Variants in NALF1 observed in about 807,000 individuals in gnomAD.
The protein encoded by NALF1 is family with sequence similarity 155 member A.
NALF1 carries 3 observed loss-of-function variants against 48.4 expected under a neutral mutation model. That is an observed-to-expected ratio of 0.06 (90% CI 0.03 to 0.16). The LOEUF (loss-of-function observed/expected upper bound fraction) is 0.16. Among genes scored for constraint, NALF1 ranks in the 10% least tolerant of loss-of-function variants. NALF1 has a pLI of 1.00. For synonymous variants in NALF1, 262 were observed against 245.7 expected (o/e 1.07, Z -0.62); for missense variants, 526 against 571.5 (o/e 0.92, Z 0.81).
chr13:107,559,133 C>T (rs1267663745), intron 1 of NALF1, among the ~76,000 whole-genome samples: 1 of 152,182 alleles, frequency 6.6e-6, no homozygotes, highest in African/African-American at 2.4e-5. Context: ...AGCTCTAATA[C>T]ACACCCCATG....
chr13:107,253,284 A>G (rs74114012), intron 1 of NALF1, among the ~76,000 whole-genome samples: 17,091 of 151,926 alleles, frequency 0.11, 1,123 homozygotes, highest in African/African-American at 0.17. Flanking sequence ...TGGAGCCCCA[A>G]AGTATGTCTA....
intron 1 of NALF1, among the ~76,000 whole-genome samples, chr13:107,747,465 G>A (rs531962769): frequency 3.9e-5 from 6 of 151,998 alleles, no homozygotes; most frequent in African/African-American, 1.2e-4. Flanking sequence ...ATGCATGTTG[G>A]TCTTACCTCC....
chr13:107,222,267 A>G (rs977036092), intron 1 of NALF1, among the ~76,000 whole-genome samples: 1 of 152,240 alleles, frequency 6.6e-6, no homozygotes, highest in Non-Finnish European at 1.5e-5. Context: ...ACTATTCCCC[A>G]TAGAAACAAC....
chr13:107,719,325 C>A (rs200878429), intron 1 of NALF1, among the ~76,000 whole-genome samples: 1 of 152,154 alleles, frequency 6.6e-6, no homozygotes, highest in East Asian at 1.9e-4. Flanking sequence ...GCTGTCTCAA[C>A]AAGGCCTTTC....
chr13:107,260,807 G>C (rs774104374), intron 1 of NALF1, among the ~76,000 whole-genome samples: 1 of 152,114 alleles, frequency 6.6e-6, no homozygotes, highest in African/African-American at 2.4e-5. Flanking sequence ...TTTCTTCCAG[G>C]GTTCTAATTT....
At chr13:107,781,039 G>C (rs1273004896) in intron 1 of NALF1, among the ~76,000 whole-genome samples, 1 of 152,116 alleles carries the variant, frequency 6.6e-6, no homozygotes, top group African/African-American at 2.4e-5. Context: ...CTGGAACATA[G>C]GAGAAATGTC....
At chr13:107,623,506 A>C (rs927048902) in intron 1 of NALF1, among the ~76,000 whole-genome samples, 1 of 152,158 alleles carries the variant, frequency 6.6e-6, no homozygotes, top group Non-Finnish European at 1.5e-5. Context: ...GAAAATGTTT[A>C]GGATGCCTAA....
intron 1 of NALF1, among the ~76,000 whole-genome samples, chr13:107,742,726 G>C (rs1876674655): frequency 6.6e-6 from 1 of 152,166 alleles, no homozygotes; most frequent in South Asian, 2.1e-4. Context: ...TTCAATGATT[G>C]CAGATCTTTT....
chr13:107,554,332 G>T (rs1246313669), intron 1 of NALF1, among the ~76,000 whole-genome samples: 1 of 152,188 alleles, frequency 6.6e-6, no homozygotes, highest in East Asian at 1.9e-4. Flanking sequence ...AAGTCCGGGG[G>T]GAAAAAGCTA....
intron 1 of NALF1, among the ~76,000 whole-genome samples, chr13:107,813,995 T>A (rs1265648430): frequency 6.6e-6 from 1 of 152,052 alleles, no homozygotes; most frequent in East Asian, 1.9e-4. Flanking sequence ...CATGAGAAGA[T>A]AATAGGGGGA....
chr13:107,496,029 T>G (rs1052408894), intron 1 of NALF1, among the ~76,000 whole-genome samples: 1 of 152,112 alleles, frequency 6.6e-6, no homozygotes, highest in Non-Finnish European at 1.5e-5. Flanking sequence ...CATCACTGTT[T>G]TAGAATGGAA....
intron 1 of NALF1, among the ~76,000 whole-genome samples, chr13:107,783,871 A>AT (rs1307484707): frequency 2.5e-5 from 3 of 120,020 alleles, no homozygotes; most frequent in Non-Finnish European, 3.5e-5. Context: ...AAAAATAAAA[A>AT]TTAAAAAAAA....
intron 1 of NALF1, among the ~76,000 whole-genome samples, chr13:107,812,564 G>T (rs1022320081): frequency 6.6e-6 from 1 of 152,032 alleles, no homozygotes; most frequent in Non-Finnish European, 1.5e-5. Context: ...AAACTTCTCT[G>T]TATTGATGTA....
At chr13:107,267,658 AC>A (rs1881069635) in intron 1 of NALF1, among the ~76,000 whole-genome samples, 1 of 152,204 alleles carries the variant, frequency 6.6e-6, no homozygotes, top group Non-Finnish European at 1.5e-5. Context: ...GTACACACAT[AC>A]CTACGAAGAA....
intron 1 of NALF1, among the ~76,000 whole-genome samples, chr13:107,380,704 A>C (rs1180722389): frequency 2.6e-5 from 4 of 152,084 alleles, no homozygotes; most frequent in East Asian, 3.9e-4. Context: ...GTGGGCCGGG[A>C]GCGGTGGTTC....
chr13:107,398,667 CTT>C (rs1566325544), intron 1 of NALF1, among the ~76,000 whole-genome samples: 1 of 152,016 alleles, frequency 6.6e-6, no homozygotes, highest in East Asian at 1.9e-4. Context: ...GAGTAACTAA[CTT>C]TATAACCTCA....
At chr13:107,846,282 C>T (rs1176428832) in intron 1 of NALF1, among the ~76,000 whole-genome samples, 1 of 152,182 alleles carries the variant, frequency 6.6e-6, no homozygotes, top group Non-Finnish European at 1.5e-5. Context: ...TAGATAGAGA[C>T]TGTTCTGTCA....
chr13:107,231,005 A>C (rs1237118208), intron 1 of NALF1, among the ~76,000 whole-genome samples: 2 of 142,626 alleles, frequency 1.4e-5, no homozygotes, highest in Admixed American at 7.4e-5. Flanking sequence ...GGTTGCAGTG[A>C]GCCCATGGTT....
At chr13:107,539,512 C>T (rs1216714677) in intron 1 of NALF1, among the ~76,000 whole-genome samples, 1 of 152,126 alleles carries the variant, frequency 6.6e-6, no homozygotes, top group African/African-American at 2.4e-5. Flanking sequence ...ACACCTTCAG[C>T]ATAGGGTTGA....
Sources: gnomAD v4.1 joint callset for allele counts (sites outside exome capture counted in the v4.1 genomes callset) on GRCh38, gnomAD v4.1.1 for gene constraint, MANE v1.5 for transcripts, NCBI Gene and HGNC (gene_info 2026-07-23, HGNC 2026-07-21) for gene names.